Variants in XRCC2 observed in about 807,000 individuals in gnomAD.
XRCC2 encodes DNA repair protein XRCC2.
Under a neutral mutation model 27.3 loss-of-function variants are expected in XRCC2, and 24 were observed. The ratio of observed to expected loss-of-function variants is 0.88; its 90% CI spans 0.64 to 1.24. XRCC2 has a LOEUF of 1.24. Ranked by LOEUF, XRCC2 falls within the 50% of genes most tolerant of loss-of-function variation. The pLI is 0.00. For missense variants in XRCC2, 321 were observed against 325.8 expected (o/e 0.99, Z 0.11); for synonymous variants, 106 against 115.4 (o/e 0.92, Z 0.52).
chr7:152,665,015 C>T (rs1242952111), intron 1 of XRCC2, among the ~76,000 whole-genome samples: 1 of 152,068 alleles, frequency 6.6e-6, no homozygotes, highest in African/African-American at 2.4e-5. Flanking sequence ...ATGCACAGAA[C>T]TCCAAACACC....
chr7:152,652,833 C>T (rs577597304), intron 2 of XRCC2, among the ~76,000 whole-genome samples: 14 of 152,088 alleles, frequency 9.2e-5, no homozygotes, highest in Non-Finnish European at 1.9e-4. Context: ...TAAATGGAAG[C>T]GGGTCTGGTA....
Position 152,660,773 on chromosome 7 carries a change from G to T in XRCC2, c.49C>A (p.Arg17=). The T allele has an allele frequency of 6.2e-7, 1 of 1,611,720 alleles. No individual in the cohort carries two copies. The highest frequency in any genetic ancestry group is 8.5e-7 in the Non-Finnish European group (1 of 1,179,142). Residue 17 remains arginine (R), a synonymous_variant, in exon 2 of 3, where the codon CGA becomes AGA. Coordinates refer to ENST00000359321, the MANE Select transcript of XRCC2 (RefSeq NM_005431.2). ...TTCAAGGAACTTCTACCTTCAAGTC[G>T]GGCAAGGAGCTTATAAAAGAAGAGA... ...RAESGTELLA[R]LEGRSSLKEI... is the part of the protein sequence containing the mutation.
chr7:152,651,226 C>G (rs951864947), intron 2 of XRCC2, among the ~76,000 whole-genome samples: 11 of 152,080 alleles, frequency 7.2e-5, no homozygotes, highest in African/African-American at 2.4e-4. Flanking sequence ...AGGTGTGAAC[C>G]ACCGCACCTG....
chr7:152,656,201 A>T (rs2098030641), intron 2 of XRCC2, among the ~76,000 whole-genome samples: 1 of 152,184 alleles, frequency 6.6e-6, no homozygotes. Context: ...CATGTATCCT[A>T]GAATTTAAAA....
intron 1 of XRCC2, 92 bp downstream of exon 1, chr7:152,675,949 C>CA (rs1424995744): frequency 6.4e-7 from 1 of 1,568,514 alleles, no homozygotes; most frequent in Non-Finnish European, 8.7e-7. Context: ...CGCGCCGCCC[C>CA]AAGCCTCCCA....
At chr7:152,670,048 CTTTTAA>C (rs2098037553) in intron 1 of XRCC2, among the ~76,000 whole-genome samples, 1 of 151,938 alleles carries the variant, frequency 6.6e-6, no homozygotes, top group African/African-American at 2.4e-5. Flanking sequence ...GTGAGAGTGA[CTTTTAA>C]TTTTGAGTGA....
rs533818161 is a variant in XRCC2 at position 152,645,740 on chromosome 7, T to C, written c.*2902A>G. The stretch of plus-strand genomic sequence containing the variant: ...TAACTAATGTTTACTGAGGGATTTT[T>C]GTATATACCTTTTATCAATTCAAGG... On this transcript the variant is annotated 3_prime_UTR_variant, in exon 3 of 3. Transcript: ENST00000359321. 6.6e-6 allele frequency: 1 copy of C among 152,302 alleles called. No homozygotes were observed. The highest frequency in any genetic ancestry group is 2.4e-5 in the African/African-American group (1 of 41,568). 9.4% of individuals were successfully genotyped at this position (152,302 alleles called of 1,614,324 possible). A position where few individuals can be genotyped will look rare whatever the true frequency, so the allele number is the denominator to read the frequency against.
intron 2 of XRCC2, 29 bp downstream of exon 2, chr7:152,660,672 T>C: frequency 6.4e-7 from 1 of 1,571,768 alleles, no homozygotes. Flanking sequence ...AAGATTTGCA[T>C]TTATTTATAT....
At chr7:152,662,809 G>A (rs1022097414) in intron 1 of XRCC2, among the ~76,000 whole-genome samples, 24 of 151,146 alleles carry the variant, frequency 1.6e-4, no homozygotes, top group South Asian at 2.1e-4. Context: ...TCCTGACCTC[G>A]TGATCCGCCC....
rs564381860 is a variant in XRCC2, at chr7:152,664,802, G to A, written c.40-4020C>T. Among the ~76,000 whole-genome samples, 23 of 152,222 alleles carry A rather than the reference G, an allele frequency of 1.5e-4. 1 individual carries two copies. In the South Asian group the frequency reaches 4.8e-3, roughly 32 times the overall value. ...GGTGGCCTCTTCAGGAATGATAACTGGTTGCAGCTGGCACCAGGGAGGGGA... is the reference window on the plus strand; with the variant it reads ...GGTGGCCTCTTCAGGAATGATAACTAGTTGCAGCTGGCACCAGGGAGGGGA... On this transcript the variant is annotated intron_variant, in intron 1 of 2. Coordinates refer to ENST00000359321, the MANE Select transcript of XRCC2 (RefSeq NM_005431.2).
At chr7:152,656,889 A>G (rs1240441151) in intron 2 of XRCC2, among the ~76,000 whole-genome samples, 1 of 152,318 alleles carries the variant, frequency 6.6e-6, no homozygotes, top group Non-Finnish European at 1.5e-5. Flanking sequence ...AGTTCCTGAA[A>G]TCCAAATGAG....
rs1472762302 is a variant in XRCC2 at position 152,674,711 on chromosome 7, A to ATAATATATTTTTATATATTTTAT, written c.39+1329_39+1330insATAAAATATATAAAAATATATTA. Among the ~76,000 whole-genome samples, 12 of 2,748 alleles carry ATAATATATTTTTATATATTTTAT rather than the reference A, an allele frequency of 4.4e-3. 1 individual carries two copies. Among genetic ancestry groups the ATAATATATTTTTATATATTTTAT allele is most frequent in the African/African-American group, 0.013 (12 of 946 alleles). The allele number at this position is 2,748 out of a possible 152,430, so 1.8% of individuals were successfully genotyped here. On this transcript the variant is annotated intron_variant, in intron 1 of 2. Coordinates refer to ENST00000359321, the MANE Select transcript of XRCC2 (RefSeq NM_005431.2). ...TATATTTTTAAATATATATTTATAT[A>ATAATATATTTTTATATATTTTAT]ATATATTTTTAAATATATATTATAT...
intron 1 of XRCC2, chr7:152,664,140 C>T (rs2098034593): frequency 6.6e-6 from 1 of 152,214 alleles, no homozygotes; most frequent in Admixed American, 6.5e-5. Flanking sequence ...AAGCTCTGTA[C>T]TTGGAACTTC....
At chr7:152,666,897 C>T (rs1429779716) in intron 1 of XRCC2, among the ~76,000 whole-genome samples, 1 of 151,916 alleles carries the variant, frequency 6.6e-6, no homozygotes, top group Non-Finnish European at 1.5e-5. Flanking sequence ...GGATTACAGG[C>T]ATGAGCCACT....
Position 152,676,097 on chromosome 7 carries a change from G to A in XRCC2, c.-18C>T, listed in dbSNP as rs1344560077. 2 of 1,613,654 alleles carry A rather than the reference G, an allele frequency of 1.2e-6. No individual in the cohort carries two copies. The highest frequency in any genetic ancestry group is 1.7e-5 in the Admixed American group (1 of 60,028). On this transcript the variant is annotated 5_prime_UTR_variant, in exon 1 of 3. Coordinates refer to ENST00000359321, the MANE Select transcript of XRCC2 (RefSeq NM_005431.2). ...CTACACATCGCCCCGAAGGCTCGGCGCAGGAGAGACTCAACTTTCCCGCCA... is the reference window on the plus strand; with the variant it reads ...CTACACATCGCCCCGAAGGCTCGGCACAGGAGAGACTCAACTTTCCCGCCA...
chr7:152,645,788 C>T lies in XRCC2; in HGVS notation c.*2854G>A, dbSNP rs2098025530. On this transcript the variant is annotated 3_prime_UTR_variant, in exon 3 of 3. Transcript: ENST00000359321. ...AGGGACTCAGCTAGGCAAGGTGGCACACACCTGTAATCACAGCTACTTTGG... is the reference window on the plus strand; with the variant it reads ...AGGGACTCAGCTAGGCAAGGTGGCATACACCTGTAATCACAGCTACTTTGG... 6.6e-6 allele frequency: 1 copy of T among 152,148 alleles called. No individual in the cohort carries two copies. Among genetic ancestry groups the T allele is most frequent in the Admixed American group, 6.5e-5 (1 of 15,268 alleles). 9.4% of individuals were successfully genotyped at this position (152,148 alleles called of 1,614,324 possible).
chr7:152,674,991 C>T (rs1456947658), intron 1 of XRCC2, among the ~76,000 whole-genome samples: 2 of 151,752 alleles, frequency 1.3e-5, no homozygotes, highest in South Asian at 2.1e-4. Flanking sequence ...AACGGCATGG[C>T]CTGCAAAGCC....
At chr7:152,661,625 A>G (rs1051088311) in intron 1 of XRCC2, among the ~76,000 whole-genome samples, 11 of 152,188 alleles carry the variant, frequency 7.2e-5, no homozygotes, top group Non-Finnish European at 2.9e-5. Context: ...GCATAGGGAC[A>G]CTGTGAGCAG....
rs2098040949 is a variant in XRCC2 at position 152,676,062 on chromosome 7, A to G, written c.18T>C (p.His6=). MCSAF[H]RAESGTELLA... ...TCACCTCGGTCCCAGACTCAGCCCT[A>G]TGGAAGGCACTACACATCGCCCCGA... is the stretch of plus-strand genomic sequence containing the variant. The change falls in exon 1 of 3, where the codon CAT becomes CAC. Residue 6 remains histidine, a synonymous_variant. Coordinates refer to ENST00000359321, the MANE Select transcript of XRCC2 (RefSeq NM_005431.2). The G allele has an allele frequency of 6.2e-7, 1 of 1,613,744 alleles. No homozygotes were observed. The highest frequency in any genetic ancestry group is 1.1e-5 in the South Asian group (1 of 91,084).
Sources: gnomAD v4.1 joint callset for allele counts (sites outside exome capture counted in the v4.1 genomes callset) on GRCh38, gnomAD v4.1.1 for gene constraint, MANE v1.5 for transcripts, NCBI Gene and HGNC (gene_info 2026-07-23, HGNC 2026-07-21) for gene names.